The following SUCLG2 variants were observed in gnomAD, a reference collection of about 807,000 sequenced individuals.
The protein encoded by SUCLG2 is succinate--CoA ligase [GDP-forming] subunit beta, mitochondrial.
Under a neutral mutation model 47.9 loss-of-function variants are expected in SUCLG2, and 42 were observed. That is an observed-to-expected ratio of 0.88 (90% CI 0.69 to 1.14). The LOEUF (loss-of-function observed/expected upper bound fraction) is 1.14. Among genes scored for constraint, SUCLG2 ranks in the 50% most tolerant of loss-of-function variants. SUCLG2 has a pLI of 0.00. For synonymous variants in SUCLG2, 195 were observed against 197.3 expected, an observed-to-expected ratio of 0.99 and a Z score of 0.10; for missense variants, 571 against 525.9, an observed-to-expected ratio of 1.09 and a Z score of -0.84.
intron 6 of SUCLG2, among the ~76,000 whole-genome samples, chr3:67,517,203 T>C (rs1000075860): frequency 2.6e-5 from 4 of 152,226 alleles, no homozygotes; most frequent in Admixed American, 1.3e-4. Context: ...GTGGTTTCCC[T>C]TCATTTAAGC....
intron 2 of SUCLG2, among the ~76,000 whole-genome samples, chr3:67,544,768 T>C (rs529088730): frequency 1.3e-5 from 2 of 152,336 alleles, no homozygotes; most frequent in African/African-American, 4.8e-5. Flanking sequence ...CATGGTTTGC[T>C]GTTTAAACTA....
chr3:67,605,073 G>C (rs1410738433), intron 2 of SUCLG2, among the ~76,000 whole-genome samples: 1 of 152,120 alleles, frequency 6.6e-6, no homozygotes, highest in Non-Finnish European at 1.5e-5. Context: ...TGATGATGCT[G>C]ATAGCAATAA....
intron 10 of SUCLG2, among the ~76,000 whole-genome samples, chr3:67,388,429 C>T (rs1422894759): frequency 6.6e-6 from 1 of 152,192 alleles, no homozygotes; most frequent in Non-Finnish European, 1.5e-5. Context: ...TCACACTCAA[C>T]ATGAAACTAC....
chr3:67,555,345 T>G (rs568249262), intron 2 of SUCLG2, among the ~76,000 whole-genome samples: 1 of 152,344 alleles, frequency 6.6e-6, no homozygotes, highest in South Asian at 2.1e-4. Context: ...GTATATTTTA[T>G]ACTCATATAT....
At chr3:67,646,368 G>A (rs980832075) in intron 1 of SUCLG2, among the ~76,000 whole-genome samples, 6 of 152,196 alleles carry the variant, frequency 3.9e-5, no homozygotes, top group African/African-American at 1.4e-4. Flanking sequence ...GGCCAGGTGG[G>A]TGGACCACCT....
chr3:67,507,398 A>G (rs1216131439), intron 7 of SUCLG2, among the ~76,000 whole-genome samples: 1 of 152,158 alleles, frequency 6.6e-6, no homozygotes, highest in Non-Finnish European at 1.5e-5. Context: ...GAGGAATTTC[A>G]TTTTATGAAT....
chr3:67,405,072 T>C (rs1702771480), intron 9 of SUCLG2, among the ~76,000 whole-genome samples: 2 of 151,996 alleles, frequency 1.3e-5, no homozygotes, highest in South Asian at 4.2e-4. Flanking sequence ...AGGCTTTTTC[T>C]AATTCTCGGG....
At chr3:67,429,541 C>T (rs1179473091) in intron 9 of SUCLG2, among the ~76,000 whole-genome samples, 2 of 152,118 alleles carry the variant, frequency 1.3e-5, no homozygotes, top group Non-Finnish European at 2.9e-5. Flanking sequence ...ACTGCATCAA[C>T]TAACAAGAAA....
chr3:67,470,161 A>C (rs1186796473), intron 9 of SUCLG2, among the ~76,000 whole-genome samples: 3 of 152,202 alleles, frequency 2.0e-5, no homozygotes, highest in Non-Finnish European at 4.4e-5. Context: ...TAATTCAGGG[A>C]ATAGAATGTA....
intron 9 of SUCLG2, among the ~76,000 whole-genome samples, chr3:67,460,794 A>T (rs1704312083): frequency 6.6e-6 from 1 of 152,184 alleles, no homozygotes; most frequent in Admixed American, 6.5e-5. Context: ...ATACAGGCCC[A>T]CTGGGAAGGA....
chr3:67,562,614 A>G (rs1159468489), intron 2 of SUCLG2, among the ~76,000 whole-genome samples: 3 of 152,120 alleles, frequency 2.0e-5, no homozygotes, highest in Non-Finnish European at 4.4e-5. Context: ...CATTCCCCCA[A>G]TTTTATGTAA....
intron 9 of SUCLG2, among the ~76,000 whole-genome samples, chr3:67,453,610 A>C (rs1704108908): frequency 6.6e-6 from 1 of 152,236 alleles, no homozygotes. Context: ...CATTCAGAAC[A>C]CAACAAAATT....
intron 1 of SUCLG2, among the ~76,000 whole-genome samples, chr3:67,638,956 T>C (rs1221537102): frequency 2.0e-5 from 3 of 152,208 alleles, no homozygotes; most frequent in South Asian, 2.1e-4. Flanking sequence ...TCCTCCCTCA[T>C]AGAAGTTTAA....
At chr3:67,616,343 C>G (rs1165688871) in intron 1 of SUCLG2, among the ~76,000 whole-genome samples, 1 of 152,084 alleles carries the variant, frequency 6.6e-6, no homozygotes, top group Non-Finnish European at 1.5e-5. Context: ...CTAAAAGAAA[C>G]CAGCAAGCTG....
intron 9 of SUCLG2, among the ~76,000 whole-genome samples, chr3:67,456,310 T>G (rs1352120875): frequency 6.6e-6 from 1 of 152,204 alleles, no homozygotes; most frequent in African/African-American, 2.4e-5. Flanking sequence ...ATGCAAGGGC[T>G]ATAACATAGG....
chr3:67,439,781 A>G (rs1384175839), intron 9 of SUCLG2, among the ~76,000 whole-genome samples: 27 of 152,226 alleles, frequency 1.8e-4, no homozygotes. Context: ...GGAAGAATCA[A>G]TATCGTCAAA....
intron 2 of SUCLG2, among the ~76,000 whole-genome samples, chr3:67,586,517 TCAATTA>T: frequency 6.6e-6 from 1 of 152,208 alleles, no homozygotes; most frequent in Non-Finnish European, 1.5e-5. Context: ...CCTTAGGCAG[TCAATTA>T]ATCTACCCTT....
At chr3:67,523,866 T>C (rs1032784437) in intron 4 of SUCLG2, among the ~76,000 whole-genome samples, 3 of 152,208 alleles carry the variant, frequency 2.0e-5, no homozygotes, top group African/African-American at 7.2e-5. Flanking sequence ...CACAAAATTA[T>C]AACTTTTTAG....
At chr3:67,506,454 A>C (rs1441798759) in intron 7 of SUCLG2, among the ~76,000 whole-genome samples, 2 of 152,068 alleles carry the variant, frequency 1.3e-5, no homozygotes, top group South Asian at 2.1e-4. Flanking sequence ...AATGAACTGT[A>C]TATAATGTTT....
Sources: gnomAD v4.1 joint callset for allele counts (sites outside exome capture counted in the v4.1 genomes callset) on GRCh38, gnomAD v4.1.1 for gene constraint, MANE v1.5 for transcripts, NCBI Gene and HGNC (gene_info 2026-07-23, HGNC 2026-07-21) for gene names.